SYNDIG1: variants seen among roughly 807,000 people sequenced by gnomAD.
The protein encoded by SYNDIG1 is synapse differentiation inducing 1.
SYNDIG1 carries 9 observed loss-of-function variants against 19.4 expected under a neutral mutation model. That is an observed-to-expected ratio of 0.46 (90% CI 0.28 to 0.81). SYNDIG1 has a LOEUF of 0.81. Among genes scored for constraint, SYNDIG1 ranks in the 30% least tolerant of loss-of-function variants. The pLI is 0.12. For missense variants in SYNDIG1, 311 were observed against 343.3 expected, an observed-to-expected ratio of 0.91 and a Z score of 0.74; for synonymous variants, 141 against 145.9, an observed-to-expected ratio of 0.97 and a Z score of 0.24.
intron 1 of SYNDIG1, among the ~76,000 whole-genome samples, chr20:24,489,755 G>A (rs1271034858): frequency 6.6e-6 from 1 of 152,344 alleles, no homozygotes; most frequent in East Asian, 1.9e-4. Context: ...GAGGGAGGAG[G>A]GAGTTGCCAC....
Position 24,517,804 on chromosome 20 carries a change from T to TA in SYNDIG1, c.-78-25216_-78-25215insA, listed in dbSNP as rs1197674694. Among the ~76,000 whole-genome samples, 155 of 144,214 alleles carry TA rather than the reference T, an allele frequency of 1.1e-3. 1 individual carries two copies. The highest frequency in any genetic ancestry group is 7.2e-3 in the Middle Eastern group (2 of 278). 94.6% of individuals were successfully genotyped at this position (144,214 alleles called of 152,430 possible). ...ACACATTTTTTTTGAAAAAATATTTTTTATATATATATATATTTTGAGAGG... is the reference window on the plus strand; with the variant it reads ...ACACATTTTTTTTGAAAAAATATTTTATTATATATATATATATTTTGAGAGG... On this transcript the variant is annotated intron_variant, in intron 1 of 3. Coordinates refer to ENST00000376862, the MANE Select transcript of SYNDIG1 (RefSeq NM_024893.3).
intron 3 of SYNDIG1, among the ~76,000 whole-genome samples, chr20:24,641,569 G>C (rs538306103): frequency 2.0e-5 from 3 of 152,062 alleles, no homozygotes; most frequent in Non-Finnish European, 4.4e-5. Context: ...AGTATTTGTC[G>C]CAACCAGCAA....
At chr20:24,480,461 T>G (rs1176912550) in intron 1 of SYNDIG1, among the ~76,000 whole-genome samples, 1 of 152,116 alleles carries the variant, frequency 6.6e-6, no homozygotes, top group Non-Finnish European at 1.5e-5. Context: ...GTCAAAAAAA[T>G]CACAGAAAAT....
intron 1 of SYNDIG1, among the ~76,000 whole-genome samples, chr20:24,532,881 T>A (rs1284598974): frequency 2.0e-5 from 3 of 152,190 alleles, no homozygotes; most frequent in African/African-American, 7.2e-5. Flanking sequence ...CAACAACTGT[T>A]AGGATTTAGG....
At chr20:24,509,324 T>G (rs2056683456) in intron 1 of SYNDIG1, among the ~76,000 whole-genome samples, 1 of 152,262 alleles carries the variant, frequency 6.6e-6, no homozygotes, top group Non-Finnish European at 1.5e-5. Flanking sequence ...ATTTCTATCA[T>G]TAGATGTTAC....
At chr20:24,651,092 C>T (rs962486162) in intron 3 of SYNDIG1, among the ~76,000 whole-genome samples, 1 of 152,178 alleles carries the variant, frequency 6.6e-6, no homozygotes, top group East Asian at 1.9e-4. Context: ...TCTGCCTCTG[C>T]CTCCTTATAT....
intron 1 of SYNDIG1, among the ~76,000 whole-genome samples, chr20:24,528,722 A>G (rs988971152): frequency 6.6e-6 from 1 of 152,160 alleles, no homozygotes. Flanking sequence ...CCACATATTA[A>G]TTGCAAAGGA....
chr20:24,587,555 G>A (rs1486016940), intron 3 of SYNDIG1, among the ~76,000 whole-genome samples: 4 of 152,254 alleles, frequency 2.6e-5, no homozygotes, highest in African/African-American at 9.6e-5. Context: ...TGGGGAAGCC[G>A]GCAGCTGCCA....
At chr20:24,525,286 CTTTTTTTTTTTT>C (rs11471122) in intron 1 of SYNDIG1, among the ~76,000 whole-genome samples, 22 of 106,534 alleles carry the variant, frequency 2.1e-4, no homozygotes, top group African/African-American at 7.2e-4. Flanking sequence ...TCTTCTTCTT[CTTTTTTTTTTTT>C]TTTTTTTTTT....
intron 3 of SYNDIG1, among the ~76,000 whole-genome samples, chr20:24,632,231 T>A (rs2059254996): frequency 6.6e-6 from 1 of 152,212 alleles, no homozygotes; most frequent in South Asian, 2.1e-4. Flanking sequence ...CACACGTAAT[T>A]TACTTTTTAT....
chr20:24,571,600 T>A (rs2058145172), intron 2 of SYNDIG1, among the ~76,000 whole-genome samples: 1 of 152,208 alleles, frequency 6.6e-6, no homozygotes, highest in Non-Finnish European at 1.5e-5. Context: ...TTCTGTAGTC[T>A]TCAAACTGTA....
intron 1 of SYNDIG1, among the ~76,000 whole-genome samples, chr20:24,489,240 G>GCA (rs1195268913): frequency 6.6e-6 from 1 of 152,036 alleles, no homozygotes; most frequent in East Asian, 1.9e-4. Context: ...GTAGATACAT[G>GCA]CACACACACA....
intron 1 of SYNDIG1, among the ~76,000 whole-genome samples, chr20:24,479,674 C>T (rs1167062270): frequency 6.6e-6 from 1 of 152,256 alleles, no homozygotes; most frequent in Non-Finnish European, 1.5e-5. Flanking sequence ...CATATGCACA[C>T]TCATCTCTTG....
rs918269378 is a variant in SYNDIG1, at chr20:24,658,624, C to A, written c.619-6722C>A. The stretch of plus-strand genomic sequence containing the variant: ...GGAGTATGACCCCCCACCCCCACCC[C>A]CCGGCGATTCACTGAATGTGAAATA... On this transcript the variant is annotated intron_variant, in intron 3 of 3. Transcript: ENST00000376862. This position sits in a 1 kb window ranked among gnomAD's most constrained non-coding sequence, Gnocchi z 4.4. 3.3e-5 allele frequency among the ~76,000 whole-genome samples: 5 copies of A among 151,862 alleles called. No individual in the cohort carries two copies. Among genetic ancestry groups the A allele is most frequent in the Non-Finnish European group, 5.9e-5 (4 of 67,948 alleles).
At chr20:24,635,761 C>T (rs761059165) in intron 3 of SYNDIG1, among the ~76,000 whole-genome samples, 2 of 152,098 alleles carry the variant, frequency 1.3e-5, no homozygotes. Flanking sequence ...GTGGATCTCA[C>T]GGCCACACAG....
At chr20:24,488,212 T>G (rs1336001001) in intron 1 of SYNDIG1, among the ~76,000 whole-genome samples, 1 of 152,204 alleles carries the variant, frequency 6.6e-6, no homozygotes, top group East Asian at 1.9e-4. Flanking sequence ...CAGCTGGTCA[T>G]TTATTGCTCC....
At chr20:24,622,753 T>C (rs1190906932) in intron 3 of SYNDIG1, among the ~76,000 whole-genome samples, 3 of 151,968 alleles carry the variant, frequency 2.0e-5, no homozygotes, top group African/African-American at 7.3e-5. Context: ...CATATGAAAA[T>C]TGGAATACCA....
At position 24,665,485 on chromosome 20, in the gene SYNDIG1, C is replaced by A; in HGVS notation, c.758C>A (p.Ser253Tyr). The A allele has an allele frequency of 6.2e-7, 1 of 1,614,036 alleles. No homozygotes were observed. Among genetic ancestry groups the A allele is most frequent in the African/African-American group, 1.3e-5 (1 of 75,024 alleles). Residue 253 changes from serine to tyrosine, a missense_variant, in exon 4 of 4, where the codon TCC becomes TAC. Physicochemically the swap from Ser to Tyr is moderately radical, Grantham distance 144. Coordinates refer to ENST00000376862, the MANE Select transcript of SYNDIG1 (RefSeq NM_024893.3). Reference protein sequence around the residue: ...GVAVALIAYLSKNNHL With the variant: ...GVAVALIAYLYKNNHL Reference sequence around the variant, plus strand: ...GCCGTGGCCCTCATCGCCTACCTCTCCAAGAACAACCACCTGTGAGCTTCC... The same window carrying A: ...GCCGTGGCCCTCATCGCCTACCTCTACAAGAACAACCACCTGTGAGCTTCC...
At chr20:24,470,731 C>T (rs1287879568) in intron 1 of SYNDIG1, among the ~76,000 whole-genome samples, 1 of 152,150 alleles carries the variant, frequency 6.6e-6, no homozygotes, top group Non-Finnish European at 1.5e-5. Flanking sequence ...CTTGGCGTTT[C>T]TGAAAGACGA....
Sources: allele counts gnomAD v4.1 joint callset (sites outside exome capture counted in the v4.1 genomes callset), GRCh38; gene constraint gnomAD v4.1.1; non-coding constraint Gnocchi (gnomAD v3.1); transcripts MANE v1.5; gene names NCBI Gene and HGNC (gene_info 2026-07-23, HGNC 2026-07-21).